Variants in MAST1 observed in about 807,000 individuals in gnomAD.
The protein encoded by MAST1 is microtubule associated serine/threonine kinase 1, also known as microtubule-associated serine/threonine-protein kinase 1.
Under a neutral mutation model 124.6 loss-of-function variants are expected in MAST1, and 40 were observed. The ratio of observed to expected loss-of-function variants is 0.32; its 90% CI spans 0.25 to 0.42. MAST1 has a LOEUF of 0.42. Among genes scored for constraint, MAST1 ranks in the 10% least tolerant of loss-of-function variants. The probability of loss-of-function intolerance (pLI) is 1.00; values close to 1 mark genes in which losing one functional copy is unlikely to be tolerated. For missense variants in MAST1, 1,558 were observed against 2,181.9 expected (o/e 0.71, Z 5.70); for synonymous variants, 938 against 939.4 (o/e 1.00, Z 0.03).
chr19:12,859,230 CCA>C (rs1970051348), intron 12 of MAST1, among the ~76,000 whole-genome samples: 1 of 152,116 alleles, frequency 6.6e-6, no homozygotes, highest in Non-Finnish European at 1.5e-5. Flanking sequence ...TGGGCCTGTG[CCA>C]CCATTCATGG....
chr19:12,859,644 C>T (rs983493065), intron 12 of MAST1, among the ~76,000 whole-genome samples: 9 of 151,864 alleles, frequency 5.9e-5, no homozygotes, highest in African/African-American at 2.2e-4. Flanking sequence ...ACCAAAAATA[C>T]AAAAATTAGC....
intron 22 of MAST1, among the ~76,000 whole-genome samples, chr19:12,870,205 A>T (rs1970213921): frequency 7.5e-6 from 1 of 133,506 alleles, no homozygotes; most frequent in African/African-American, 2.8e-5. Flanking sequence ...AAAAAAAAAA[A>T]ATGGCCAGGC....
rs1969822224 is a variant in MAST1 at position 12,841,178 on chromosome 19, C to T, written c.248+112C>T. 3.1e-6 allele frequency: 2 copies of T among 642,762 alleles called. No homozygotes were observed. The highest frequency in any genetic ancestry group is 1.9e-5 in the African/African-American group (1 of 54,000). 39.8% of individuals were successfully genotyped at this position (642,762 alleles called of 1,614,324 possible). A position where few individuals can be genotyped will look rare whatever the true frequency, so the allele number is the denominator to read the frequency against. On this transcript the variant is annotated intron_variant, in intron 3 of 25. Coordinates refer to ENST00000251472, the MANE Select transcript of MAST1 (RefSeq NM_014975.3). The surrounding 1 kb of genome is among the most constrained non-coding windows in gnomAD (Gnocchi z 4.3). The stretch of plus-strand genomic sequence containing the variant: ...GCACCCGAGCTGGGGCCTGAGGGGA[C>T]CAGCGAGTGCCCCAAGGTCTCAGCG...
At chr19:12,854,697 A>T (rs1969999713) in intron 10 of MAST1, among the ~76,000 whole-genome samples, 1 of 152,180 alleles carries the variant, frequency 6.6e-6, no homozygotes, top group East Asian at 1.9e-4. Context: ...GTTATTTAGG[A>T]TATACGTCTA....
rs547958109 is a variant in MAST1 at position 12,847,121 on chromosome 19, G to A, written c.328-169G>A. 6.1e-4 allele frequency: 368 copies of A among 602,324 alleles called. No individual in the cohort carries two copies. Among genetic ancestry groups the A allele is most frequent in the Non-Finnish European group, 9.5e-4 (320 of 338,060 alleles). 37.3% of individuals were successfully genotyped at this position (602,324 alleles called of 1,614,324 possible). On this transcript the variant is annotated intron_variant, in intron 4 of 25. Transcript: ENST00000251472. This position sits in a 1 kb window ranked among gnomAD's most constrained non-coding sequence, Gnocchi z 5.5. The stretch of plus-strand genomic sequence containing the variant: ...CACCCCTGTCTGTCCCTGTCCACCT[G>A]TCTGTGGCCAAGAGTCCCAGCCAAG...
rs767217311 is a variant in MAST1, at chr19:12,868,722, G to T, written c.2646G>T (p.Leu882Phe). The change falls in exon 21 of 26, where the codon TTG becomes TTT. Residue 882 changes from leucine (L) to phenylalanine (F), a missense_variant. Leu to Phe is a conservative substitution (Grantham distance 22, BLOSUM62 0). Around this residue, in one of 10 missense-constraint regions of MAST1, gnomAD observed 287 missense variants for 308.0 expected, o/e 0.93. Coordinates refer to ENST00000251472, the MANE Select transcript of MAST1 (RefSeq NM_014975.3). Reference sequence around the variant, plus strand: ...CAGGCCCAAGGGCTACCAATGACTTGGTTCTGCGCCGGGCGCGGCACCAGC... The same window carrying T: ...CAGGCCCAAGGGCTACCAATGACTTTGTTCTGCGCCGGGCGCGGCACCAGC... ...DASGPRATND[L>F]VLRRARHQQM... is the part of the protein sequence containing the mutation. 2 of 1,613,256 alleles carry T rather than the reference G, an allele frequency of 1.2e-6. No individual in the cohort carries two copies. The highest frequency in any genetic ancestry group is 1.3e-5 in the African/African-American group (1 of 75,050).
At position 12,869,193 on chromosome 19, in the gene MAST1, C is replaced by G. The variant is rs1413604908; in HGVS notation, c.2901C>G (p.Pro967=). The change falls in exon 22 of 26, where the codon CCC becomes CCG. Residue 967 remains proline, a synonymous_variant. Coordinates refer to ENST00000251472, the MANE Select transcript of MAST1 (RefSeq NM_014975.3). ...CAGCTGTCAGTGGGCTCCGCTCCCC[C>G]ATCACCATCCAGCGCTCGGGCAAGA... is the stretch of plus-strand genomic sequence containing the variant. ...YSPAVSGLRS[P]ITIQRSGKKY... 2 of 1,614,190 alleles carry G rather than the reference C, an allele frequency of 1.2e-6. No individual in the cohort carries two copies. The highest frequency in any genetic ancestry group is 2.2e-5 in the South Asian group (2 of 91,086).
At chr19:12,860,906 A>G (rs1970073486) in intron 12 of MAST1, among the ~76,000 whole-genome samples, 1 of 151,866 alleles carries the variant, frequency 6.6e-6, no homozygotes, top group Non-Finnish European at 1.5e-5. Flanking sequence ...CAGTCACTCA[A>G]CGAACACCTC....
chr19:12,862,658 CT>C (rs750956121), intron 12 of MAST1, among the ~76,000 whole-genome samples: 3,915 of 135,858 alleles, frequency 0.029, 123 homozygotes, highest in African/African-American at 0.087. Flanking sequence ...TTTTCTTTTC[CT>C]TTTTTTTTTT....
At position 12,838,752 on chromosome 19, in the gene MAST1, G is replaced by C; in HGVS notation, c.83+97G>C. 1 of 1,121,076 alleles carries C rather than the reference G, an allele frequency of 8.9e-7. No homozygotes were observed. The highest frequency in any genetic ancestry group is 1.2e-6 in the Non-Finnish European group (1 of 803,456). 69.4% of individuals were successfully genotyped at this position (1,121,076 alleles called of 1,614,324 possible). A position where few individuals can be genotyped will look rare whatever the true frequency, so the allele number is the denominator to read the frequency against. ...GGCGGGGCCCGGGATGCTGCGCCCG[G>C]TCCAGCTGCGCCAGAGGTGCCCCAG... On this transcript the variant is annotated intron_variant, in intron 1 of 25. Transcript: ENST00000251472. This position sits in a 1 kb window ranked among gnomAD's most constrained non-coding sequence, Gnocchi z 4.3.
chr19:12,851,467 T>G (rs1383332936), intron 7 of MAST1, among the ~76,000 whole-genome samples: 1 of 129,980 alleles, frequency 7.7e-6, no homozygotes, highest in Non-Finnish European at 1.6e-5. Flanking sequence ...CGCTATGGTT[T>G]TGTTGTTTGT....
chr19:12,860,449 T>TC (rs940780566), intron 12 of MAST1, among the ~76,000 whole-genome samples: 8 of 144,690 alleles, frequency 5.5e-5, no homozygotes, highest in African/African-American at 7.7e-5. Flanking sequence ...TTTCTTTCTT[T>TC]TTTTTTTTTT....
Position 12,874,326 on chromosome 19 carries a change from G to C in MAST1, c.4169G>C (p.Arg1390Pro). ...RTLERDVGCT[R>P]HQSVQTEDGT... ...CTGGAGCGGGACGTCGGCTGCACGC[G>C]GCATCAGAGCGTGCAGACGGAGGAT... Residue 1390 changes from arginine (R) to proline (P), a missense_variant, in exon 26 of 26, where the codon CGG becomes CCG. Around this residue, in one of 10 missense-constraint regions of MAST1, gnomAD observed 263 missense variants for 310.9 expected, o/e 0.85. Coordinates refer to ENST00000251472, the MANE Select transcript of MAST1 (RefSeq NM_014975.3). The surrounding 1 kb of genome is among the most constrained non-coding windows in gnomAD (Gnocchi z 6.6). 1.9e-6 allele frequency: 3 copies of C among 1,595,680 alleles called. No homozygotes were observed. Among genetic ancestry groups the C allele is most frequent in the South Asian group, 2.2e-5 (2 of 90,818 alleles).
At chr19:12,840,925 T>G (rs1969818593) in intron 2 of MAST1, 66 bp from the exon 3 acceptor site, 2 of 784,090 alleles carry the variant, frequency 2.6e-6, no homozygotes, top group African/African-American at 3.4e-5. Context: ...CAGGACATGC[T>G]GCTGTTTGCA....
chr19:12,862,366 A>T lies in MAST1; in HGVS notation c.1367-2443A>T, dbSNP rs561310668. Among the ~76,000 whole-genome samples, 3 of 152,264 alleles carry T rather than the reference A, an allele frequency of 2.0e-5. No homozygotes were observed. In the East Asian group the frequency reaches 5.8e-4, roughly 29 times the overall value. On this transcript the variant is annotated intron_variant, in intron 12 of 25. Coordinates refer to ENST00000251472, the MANE Select transcript of MAST1 (RefSeq NM_014975.3). ...GAGTGCAGTGGTGTGATCACAGCTTACTGCAGCCTTGAACTCCTGGGCTCA... is the reference window on the plus strand; with the variant it reads ...GAGTGCAGTGGTGTGATCACAGCTTTCTGCAGCCTTGAACTCCTGGGCTCA...
At chr19:12,870,995 A>G in intron 23 of MAST1, 41 bp from the exon 24 acceptor site, 2 of 1,613,776 alleles carry the variant, frequency 1.2e-6, no homozygotes, top group Non-Finnish European at 1.7e-6. Context: ...GGGAGGCCTG[A>G]GCAGCCCCTA....
chr19:12,857,733 G>A (rs1168082934), intron 10 of MAST1, among the ~76,000 whole-genome samples: 1 of 152,158 alleles, frequency 6.6e-6, no homozygotes, highest in Non-Finnish European at 1.5e-5. Flanking sequence ...GTATGTTTAA[G>A]AGCTGTAACT....
chr19:12,857,774 T>A (rs895656565), intron 10 of MAST1, among the ~76,000 whole-genome samples: 4 of 152,124 alleles, frequency 2.6e-5, no homozygotes, highest in African/African-American at 9.7e-5. Flanking sequence ...ATGCCTGTAG[T>A]CCCTACTCTT....
chr19:12,871,097 C>G lies in MAST1; in HGVS notation c.3188C>G (p.Pro1063Arg). 1 of 1,614,194 alleles carries G rather than the reference C, an allele frequency of 6.2e-7. No individual in the cohort carries two copies. The highest frequency in any genetic ancestry group is 8.5e-7 in the Non-Finnish European group (1 of 1,180,032). ...GAAAATACCTCTATCCGCATTGGTC[C>G]CGCAAGGCGCAGCAGCTACAAGGCT... ...PFENTSIRIG[P>R]ARRSSYKAKM... The change falls in exon 24 of 26, where the codon CCC becomes CGC. Residue 1063 changes from proline (P) to arginine (R), a missense_variant. Transcript: ENST00000251472.
Sources: gnomAD v4.1 joint callset for allele counts (sites outside exome capture counted in the v4.1 genomes callset) on GRCh38, gnomAD v4.1.1 for gene constraint, gnomAD v4.1.1 regional missense constraint, Gnocchi (gnomAD v3.1) non-coding constraint, MANE v1.5 for transcripts, NCBI Gene and HGNC (gene_info 2026-07-23, HGNC 2026-07-21) for gene names.